Variants in PIEZO2 observed in about 807,000 individuals in gnomAD.
PIEZO2 encodes piezo type mechanosensitive ion channel component 2.
In PIEZO2, 172 loss-of-function variants were observed where a neutral mutation model predicts 337.3. The ratio of observed to expected loss-of-function variants is 0.51; its 90% confidence interval spans 0.45 to 0.58. The LOEUF is 0.58. Ranked by LOEUF, PIEZO2 falls within the 20% of genes least tolerant of loss-of-function variation. The pLI is 0.00. For synonymous variants in PIEZO2, 1,251 were observed against 1,228.5 expected (o/e 1.02, Z -0.38); for missense variants, 3,028 against 3,391.3 (o/e 0.89, Z 2.66).
chr18:11,145,612 A>G (rs572836064), intron 1 of PIEZO2, among the ~76,000 whole-genome samples: 1 of 152,228 alleles, frequency 6.6e-6, no homozygotes, highest in Non-Finnish European at 1.5e-5. Flanking sequence ...CACTATGCGC[A>G]GGAGAGAAAC....
chr18:10,803,846 G>A (rs1319857901), intron 9 of PIEZO2, 29 bp downstream of exon 9: 2 of 1,534,922 alleles, frequency 1.3e-6, no homozygotes, highest in Non-Finnish European at 1.7e-6. Flanking sequence ...AAAAATTAGG[G>A]AACGGAAATC....
chr18:10,961,770 G>T (rs562584578), intron 3 of PIEZO2, among the ~76,000 whole-genome samples: 51 of 151,990 alleles, frequency 3.4e-4, no homozygotes, highest in African/African-American at 1.2e-3. Flanking sequence ...AGTAAAAAAG[G>T]ATTTTTTTTT....
chr18:10,846,531 G>A lies in PIEZO2; in HGVS notation c.917+8822C>T, dbSNP rs1211842141. ...AAGCTTGAACTAAGAGTTCCTGAGAGGCCAATGTATGTCAGCAGTGTTAAA... is the reference window on the plus strand; with the variant it reads ...AAGCTTGAACTAAGAGTTCCTGAGAAGCCAATGTATGTCAGCAGTGTTAAA... On this transcript the variant is annotated intron_variant, in intron 7 of 55. Transcript: ENST00000674853. This position sits in a 1 kb window ranked among gnomAD's most constrained non-coding sequence, Gnocchi z 4.1. Among the ~76,000 whole-genome samples, 3 of 152,148 alleles carry A rather than the reference G, an allele frequency of 2.0e-5. No homozygotes were observed. Among genetic ancestry groups the A allele is most frequent in the Admixed American group, 6.5e-5 (1 of 15,270 alleles).
At chr18:10,865,397 G>A (rs1191944035) in intron 5 of PIEZO2, among the ~76,000 whole-genome samples, 2 of 152,206 alleles carry the variant, frequency 1.3e-5, no homozygotes, top group African/African-American at 4.8e-5. Flanking sequence ...TTCAGGCCTT[G>A]CTGAGAGGCA....
chr18:11,072,003 T>C (rs1263256545), intron 1 of PIEZO2, among the ~76,000 whole-genome samples: 1 of 151,018 alleles, frequency 6.6e-6, no homozygotes, highest in African/African-American at 2.4e-5. Flanking sequence ...CTGTCCTTTC[T>C]GCATCAGGCA....
chr18:10,724,947 G>A lies in PIEZO2; in HGVS notation c.5029+6460C>T. On this transcript the variant is annotated intron_variant, in intron 36 of 55. Coordinates refer to ENST00000674853, the MANE Select transcript of PIEZO2 (RefSeq NM_001378183.1). This position sits in a 1 kb window ranked among gnomAD's most constrained non-coding sequence, Gnocchi z 5.8. ...CTGGACGGCGATGGAACCCAGGTGG[G>A]CGCACCCTGCGGCCTGCAGCCTCCC... is the stretch of plus-strand genomic sequence containing the variant. 1 of 1,593,212 alleles carries A rather than the reference G, an allele frequency of 6.3e-7. No individual in the cohort carries two copies. The highest frequency in any genetic ancestry group is 8.6e-7 in the Non-Finnish European group (1 of 1,166,174).
intron 9 of PIEZO2, among the ~76,000 whole-genome samples, chr18:10,802,664 TTTGG>T (rs1330246382): frequency 1.3e-5 from 2 of 152,110 alleles, no homozygotes; most frequent in African/African-American, 4.8e-5. Flanking sequence ...AGGTATGCAA[TTTGG>T]TCAAAAAGAA....
chr18:10,762,654 A>C (rs1296689135), intron 22 of PIEZO2, 29 bp from the exon 23 acceptor site: 2 of 1,533,080 alleles, frequency 1.3e-6, no homozygotes, highest in East Asian at 4.9e-5. Context: ...GGAGTAAAAA[A>C]AAATAGCTCC....
rs1389901676 is a variant in PIEZO2 at position 10,736,601 on chromosome 18, T to C, written c.4815+3A>G. 6.5e-7 allele frequency: 1 copy of C among 1,536,874 alleles called. No individual in the cohort carries two copies. Among genetic ancestry groups the C allele is most frequent in the Non-Finnish European group, 8.7e-7 (1 of 1,146,824 alleles). ...GCAAAGAAATGATTTTCCCCATAAT[T>C]ACCTGGAATGCTGACCTTCGTGGAG... On this transcript the variant is annotated splice_donor_region_variant and intron_variant, in intron 34 of 55. Transcript: ENST00000674853.
intron 53 of PIEZO2, 31 bp from the exon 54 acceptor site, chr18:10,675,319 C>A (rs368843819): frequency 2.2e-6 from 3 of 1,349,366 alleles, no homozygotes; most frequent in Admixed American, 2.7e-5. Context: ...GATACAATTA[C>A]GTTTTAGTTG....
Position 11,080,846 on chromosome 18 carries a change from A to G in PIEZO2, c.65-14624T>C, listed in dbSNP as rs1457108496. Among the ~76,000 whole-genome samples the G allele has an allele frequency of 1.3e-5, 2 of 152,182 alleles. No homozygotes were observed. Among genetic ancestry groups the G allele is most frequent in the African/African-American group, 4.8e-5 (2 of 41,434 alleles). On this transcript the variant is annotated intron_variant, in intron 1 of 55. Coordinates refer to ENST00000674853, the MANE Select transcript of PIEZO2 (RefSeq NM_001378183.1). This position sits in a 1 kb window ranked among gnomAD's most constrained non-coding sequence, Gnocchi z 5.4. ...CGACAGAGCAAGGCTCTGTCAATAA[A>G]TAAATAAACAAACACATAAATAAAT...
intron 4 of PIEZO2, among the ~76,000 whole-genome samples, chr18:10,904,150 T>C (rs1477948914): frequency 5.3e-5 from 8 of 152,230 alleles, no homozygotes; most frequent in Admixed American, 2.0e-4. Context: ...AGAGGAGATA[T>C]GTATAAACAT....
chr18:10,747,364 G>T (rs2037464965), intron 30 of PIEZO2, among the ~76,000 whole-genome samples: 1 of 152,138 alleles, frequency 6.6e-6, no homozygotes, highest in African/African-American at 2.4e-5. Context: ...CATCAGATAG[G>T]TTATATAAGG....
At chr18:10,922,701 C>A (rs971978728) in intron 3 of PIEZO2, among the ~76,000 whole-genome samples, 2 of 151,990 alleles carry the variant, frequency 1.3e-5, no homozygotes, top group African/African-American at 4.8e-5. Context: ...AGGGGATGGG[C>A]AGGCAGGCAG....
intron 31 of PIEZO2, 34 bp downstream of exon 31, chr18:10,744,108 A>T: frequency 6.9e-7 from 1 of 1,442,962 alleles, no homozygotes; most frequent in Non-Finnish European, 9.4e-7. Flanking sequence ...CAATCAGAAG[A>T]CGGAAGGAGG....
chr18:10,933,659 T>A (rs532629944), intron 3 of PIEZO2, among the ~76,000 whole-genome samples: 4 of 152,302 alleles, frequency 2.6e-5, no homozygotes, highest in African/African-American at 9.6e-5. Flanking sequence ...GGCAGACGTG[T>A]CATGGAAAGA....
chr18:11,076,706 G>T (rs940617452), intron 1 of PIEZO2, among the ~76,000 whole-genome samples: 1 of 152,062 alleles, frequency 6.6e-6, no homozygotes, highest in African/African-American at 2.4e-5. Context: ...TCATATATTA[G>T]TAACAGTACA....
chr18:11,046,457 C>T (rs557228931), intron 2 of PIEZO2, among the ~76,000 whole-genome samples: 1 of 152,332 alleles, frequency 6.6e-6, no homozygotes, highest in Admixed American at 6.5e-5. Context: ...AATCAATCCT[C>T]ACCTACTGCA....
chr18:10,675,572 G>A (rs1183004866), intron 53 of PIEZO2, among the ~76,000 whole-genome samples: 1 of 152,200 alleles, frequency 6.6e-6, no homozygotes, highest in Admixed American at 6.5e-5. Context: ...TCTGCAGCTT[G>A]TTTCTGAAGC....
Sources: allele counts gnomAD v4.1 joint callset (sites outside exome capture counted in the v4.1 genomes callset), GRCh38; gene constraint gnomAD v4.1.1; non-coding constraint Gnocchi (gnomAD v3.1); transcripts MANE v1.5; gene names NCBI Gene and HGNC (gene_info 2026-07-23, HGNC 2026-07-21).